Variants in TAFA1 observed in about 807,000 individuals in gnomAD.
The protein encoded by TAFA1 is TAFA chemokine like family member 1.
TAFA1 carries 4 observed loss-of-function variants against 18.5 expected under a neutral mutation model. That is an observed-to-expected ratio of 0.22 (90% CI 0.11 to 0.49). TAFA1 has a LOEUF of 0.49. Among genes scored for constraint, TAFA1 ranks in the 20% least tolerant of loss-of-function variants. The pLI is 0.98. For synonymous variants in TAFA1, 56 were observed against 55.2 expected (o/e 1.01, Z -0.06); for missense variants, 147 against 169.0 (o/e 0.87, Z 0.72).
chr3:68,143,860 G>A (rs949045047), intron 2 of TAFA1, among the ~76,000 whole-genome samples: 1 of 152,106 alleles, frequency 6.6e-6, no homozygotes, highest in Non-Finnish European at 1.5e-5. Context: ...GAATTCCAGG[G>A]TACTTTTACC....
intron 2 of TAFA1, among the ~76,000 whole-genome samples, chr3:68,074,724 A>G (rs1400493660): frequency 6.6e-6 from 1 of 152,196 alleles, no homozygotes; most frequent in Non-Finnish European, 1.5e-5. Context: ...TGAAATTCAT[A>G]TCAGGTCTAT....
At chr3:68,210,173 G>C (rs1348544025) in intron 2 of TAFA1, among the ~76,000 whole-genome samples, 1 of 151,968 alleles carries the variant, frequency 6.6e-6, no homozygotes, top group Non-Finnish European at 1.5e-5. Context: ...TTAGAAGCGT[G>C]ATTCAGTTAT....
intron 2 of TAFA1, among the ~76,000 whole-genome samples, chr3:68,092,628 G>T (rs1364468544): frequency 6.6e-6 from 1 of 152,066 alleles, no homozygotes; most frequent in African/African-American, 2.4e-5. Flanking sequence ...ATCTTTCATG[G>T]GGCTTATTAA....
chr3:68,293,476 G>A (rs2068151353), intron 2 of TAFA1, among the ~76,000 whole-genome samples: 1 of 152,222 alleles, frequency 6.6e-6, no homozygotes, highest in Non-Finnish European at 1.5e-5. Context: ...TTAATTAAGA[G>A]TGTGTACTCA....
intron 2 of TAFA1, among the ~76,000 whole-genome samples, chr3:68,146,188 T>A (rs1465292999): frequency 6.6e-6 from 1 of 152,202 alleles, no homozygotes; most frequent in Admixed American, 6.5e-5. Flanking sequence ...TGCCTTGGAA[T>A]CCTGTCAAAA....
intron 2 of TAFA1, among the ~76,000 whole-genome samples, chr3:68,048,577 T>G (rs2064423608): frequency 6.6e-6 from 1 of 152,142 alleles, no homozygotes; most frequent in South Asian, 2.1e-4. Context: ...TTTGTACACA[T>G]CAACTATCCC....
intron 2 of TAFA1, among the ~76,000 whole-genome samples, chr3:68,346,030 T>C (rs888246734): frequency 6.6e-6 from 1 of 152,170 alleles, no homozygotes; most frequent in Non-Finnish European, 1.5e-5. Flanking sequence ...TTTTACACTG[T>C]TTCCTTGGGA....
At chr3:68,343,115 C>T (rs1023236071) in intron 2 of TAFA1, among the ~76,000 whole-genome samples, 10 of 152,286 alleles carry the variant, frequency 6.6e-5, no homozygotes, top group African/African-American at 2.4e-4. Flanking sequence ...GGCATCATTT[C>T]AAGTTTTCTC....
At chr3:68,278,562 T>A (rs1377221922) in intron 2 of TAFA1, among the ~76,000 whole-genome samples, 1 of 152,160 alleles carries the variant, frequency 6.6e-6, no homozygotes, top group Non-Finnish European at 1.5e-5. Context: ...CAGCCATGCA[T>A]CAAGTTTTCT....
intron 3 of TAFA1, among the ~76,000 whole-genome samples, chr3:68,441,579 T>C (rs538300275): frequency 6.6e-6 from 1 of 152,266 alleles, no homozygotes; most frequent in Non-Finnish European, 1.5e-5. Flanking sequence ...AAGTGGGTTG[T>C]GCACACCAGC....
At chr3:68,002,357 G>A (rs562020976), upstream of TAFA1, among the ~76,000 whole-genome samples, 34 of 152,314 alleles carry the variant, frequency 2.2e-4, no homozygotes, top group Admixed American at 2.0e-4. Flanking sequence ...TGCCTTGAAT[G>A]TAATCCATTA....
At chr3:68,423,991 A>G (rs1399337559) in intron 3 of TAFA1, among the ~76,000 whole-genome samples, 1 of 152,070 alleles carries the variant, frequency 6.6e-6, no homozygotes, top group Non-Finnish European at 1.5e-5. Flanking sequence ...CACCAGCAAG[A>G]GAAAGTGTTA....
rs1014682725 is a variant in TAFA1, at chr3:68,378,260, G to A, written c.119-39020G>A. On this transcript the variant is annotated intron_variant, in intron 2 of 4. Coordinates refer to ENST00000478136, the MANE Select transcript of TAFA1 (RefSeq NM_213609.4). Reference sequence around the variant, plus strand: ...TGAAAAGGCTGCCATGGCTGTGTGAGCTCACATCTTGCATCAACATGCCAA... The same window carrying A: ...TGAAAAGGCTGCCATGGCTGTGTGAACTCACATCTTGCATCAACATGCCAA... 2.0e-5 allele frequency among the ~76,000 whole-genome samples: 3 copies of A among 152,284 alleles called. No individual in the cohort carries two copies. The East Asian group carries it at 5.8e-4, about 29-fold the overall frequency.
At chr3:68,080,201 G>A (rs1159505529) in intron 2 of TAFA1, among the ~76,000 whole-genome samples, 2 of 152,108 alleles carry the variant, frequency 1.3e-5, no homozygotes, top group African/African-American at 2.4e-5. Context: ...TTGAGCCTAT[G>A]TGTGTCTCTG....
intron 2 of TAFA1, among the ~76,000 whole-genome samples, chr3:68,362,256 A>G (rs560083099): frequency 3.3e-5 from 5 of 152,112 alleles, no homozygotes; most frequent in Admixed American, 6.6e-5. Context: ...CAAGGTGTGT[A>G]TTGGGCACAA....
chr3:68,322,714 A>C (rs2068714408), intron 2 of TAFA1, among the ~76,000 whole-genome samples: 1 of 152,140 alleles, frequency 6.6e-6, no homozygotes, highest in Non-Finnish European at 1.5e-5. Context: ...AGGCCGAGGC[A>C]GGTGGATTAC....
intron 2 of TAFA1, among the ~76,000 whole-genome samples, chr3:68,305,409 CTATATATA>C (rs773025236): frequency 0.053 from 1,994 of 37,822 alleles, 42 homozygotes; most frequent in East Asian, 0.079. Flanking sequence ...GACTATATGA[CTATATATA>C]TATATATATA....
At chr3:68,381,250 T>A (rs1198071576) in intron 2 of TAFA1, among the ~76,000 whole-genome samples, 3 of 151,544 alleles carry the variant, frequency 2.0e-5, no homozygotes, top group African/African-American at 4.9e-5. Flanking sequence ...CTTGGCAATG[T>A]GGGCTCTTTT....
chr3:68,006,544 T>C, intron 1 of TAFA1, 80 bp from the exon 2 acceptor site: 1 of 878,608 alleles, frequency 1.1e-6, no homozygotes, highest in Non-Finnish European at 2.0e-6. Context: ...GTCTGAGACC[T>C]CCCTTCCCTC....
Sources: allele counts gnomAD v4.1 joint callset (sites outside exome capture counted in the v4.1 genomes callset), GRCh38; gene constraint gnomAD v4.1.1; transcripts MANE v1.5; gene names NCBI Gene and HGNC (gene_info 2026-07-23, HGNC 2026-07-21).